Variants in CACNA1G observed in about 807,000 individuals in gnomAD.
The protein encoded by CACNA1G is voltage-dependent T-type calcium channel subunit alpha-1G.
In CACNA1G, 67 loss-of-function variants were observed where a neutral mutation model predicts 219.4. That is an observed-to-expected ratio of 0.31 (90% CI 0.25 to 0.37). CACNA1G has a LOEUF of 0.37. Among genes scored for constraint, CACNA1G ranks in the 10% least tolerant of loss-of-function variants. The pLI, the probability that CACNA1G is intolerant of heterozygous loss-of-function variation, is 1.00. For missense variants in CACNA1G, 2,380 were observed against 3,231.4 expected (o/e 0.74, Z 6.39); for synonymous variants, 1,296 against 1,345.3 (o/e 0.96, Z 0.80).
chr17:50,601,004 A>ACCTG, intron 18 of CACNA1G, 47 bp from the exon 19 acceptor site: 1 of 1,603,022 alleles, frequency 6.2e-7, no homozygotes. Flanking sequence ...TCTCGTTGCC[A>ACCTG]CCTGCCCTGC....
chr17:50,625,906 A>G (rs2053677797), intron 37 of CACNA1G, 111 bp from the exon 38 acceptor site: 9 of 1,194,392 alleles, frequency 7.5e-6, no homozygotes, highest in Non-Finnish European at 1.1e-5. Context: ...TGCTTAGGAT[A>G]GTCCTGCTGT....
At chr17:50,566,719 T>C (rs2037971453) in intron 1 of CACNA1G, among the ~76,000 whole-genome samples, 1 of 152,232 alleles carries the variant, frequency 6.6e-6, no homozygotes, top group South Asian at 2.1e-4. Flanking sequence ...GATTCGTTCA[T>C]TCATTCATTC....
intron 20 of CACNA1G, 38 bp from the exon 21 acceptor site, chr17:50,602,977 G>T (rs375734570): frequency 1.2e-6 from 2 of 1,610,208 alleles, no homozygotes; most frequent in South Asian, 1.1e-5. Context: ...TGGCTGCAGC[G>T]CAGGGAGGGC....
chr17:50,598,485 G>A (rs989217394), intron 16 of CACNA1G, among the ~76,000 whole-genome samples: 3 of 152,196 alleles, frequency 2.0e-5, no homozygotes, highest in African/African-American at 7.2e-5. Flanking sequence ...GGAATTGCTG[G>A]GTCATATGGC....
chr17:50,609,993 C>T (rs1016697291), intron 26 of CACNA1G, 58 bp downstream of exon 26: 17 of 1,517,490 alleles, frequency 1.1e-5, no homozygotes, highest in African/African-American at 4.1e-5. Context: ...ACTCCCTCCC[C>T]GTGGCTCATT....
chr17:50,607,767 C>G (rs1472744808), intron 24 of CACNA1G, 60 bp from the exon 25 acceptor site: 6 of 1,470,614 alleles, frequency 4.1e-6, no homozygotes, highest in Non-Finnish European at 5.7e-6. Context: ...CTGTGGGCAG[C>G]TCCTAAGACA....
In CACNA1G at chr17:50,571,861, G is replaced by A. The variant is rs759349075; in HGVS notation, c.587-17G>A. 6.2e-7 allele frequency: 1 copy of A among 1,612,776 alleles called. No homozygotes were observed. Among genetic ancestry groups the A allele is most frequent in the East Asian group, 2.2e-5 (1 of 44,884 alleles). On this transcript the variant is annotated splice_polypyrimidine_tract_variant and intron_variant, in intron 4 of 37. Transcript: ENST00000359106. This position sits in a 1 kb window ranked among gnomAD's most constrained non-coding sequence, Gnocchi z 4.3. ...CCGGCCAGCCTGGTGTCCCCAGCGT[G>A]GCTTCTGCCCCCACAGGCATGCGCA... is the stretch of plus-strand genomic sequence containing the variant.
chr17:50,585,690 G>A (rs1175171763), intron 9 of CACNA1G, among the ~76,000 whole-genome samples: 4 of 152,156 alleles, frequency 2.6e-5, no homozygotes, highest in Non-Finnish European at 5.9e-5. Flanking sequence ...GGCTGGGGAA[G>A]ACCAGGACCA....
At position 50,569,812 on chromosome 17, in the gene CACNA1G, CCCCTCAG is replaced by C. The variant is rs2038948383; in HGVS notation, c.586+20_586+26del. The C allele has an allele frequency of 1.4e-5, 21 of 1,544,556 alleles. No individual in the cohort carries two copies. The highest frequency in any genetic ancestry group is 1.8e-5 in the Non-Finnish European group (20 of 1,142,510). On this transcript the variant is annotated intron_variant, in intron 4 of 37. Transcript: ENST00000359106. ...CATTAACCGGGTGCCCAGTGAGTGA[CCCCTCAG>C]CCCTCAGCCCCTGAAGAGAGCCCCA...
Position 50,599,645 on chromosome 17 carries a change from G to A in CACNA1G, c.3476G>A (p.Arg1159His), listed in dbSNP as rs181588882. Residue 1159 changes from arginine (R) to histidine (H), a missense_variant, in exon 17 of 38, where the codon CGC (arginine) becomes CAC (histidine). By Grantham distance (29) the Arg-to-His change is conservative. Transcript: ENST00000359106. ...ERASPAGSDH[R>H]HRGSLEREAK... ...GCCAGCCCTGCGGGCAGTGACCATC[G>A]CCACAGGGGGTCCCTGGAGCGGGAG... 57 of 1,612,884 alleles carry A rather than the reference G, an allele frequency of 3.5e-5. No homozygotes were observed. The highest frequency in any genetic ancestry group is 1.7e-4 in the Middle Eastern group (1 of 6,054).
Position 50,600,467 on chromosome 17 carries a change from A to G in CACNA1G, c.3691-259A>G, listed in dbSNP as rs1482689434. Among the ~76,000 whole-genome samples, 1 of 143,304 alleles carries G rather than the reference A, an allele frequency of 7.0e-6. No individual in the cohort carries two copies. The highest frequency in any genetic ancestry group is 2.6e-5 in the African/African-American group (1 of 38,446). 94.0% of individuals were successfully genotyped at this position (143,304 alleles called of 152,430 possible). A position where few individuals can be genotyped will look rare whatever the true frequency, so the allele number is the denominator to read the frequency against. On this transcript the variant is annotated intron_variant, in intron 17 of 37. Coordinates refer to ENST00000359106, the MANE Select transcript of CACNA1G (RefSeq NM_018896.5). The surrounding 1 kb of genome is among the most constrained non-coding windows in gnomAD (Gnocchi z 4.1). ...CTGGAGGCAGGGGTGGGGAGAGGGG[A>G]GAGCGGGGTTGGGGATGCAGGGGAG...
At chr17:50,601,219 G>T in intron 19 of CACNA1G, 45 bp downstream of exon 19, 1 of 1,604,850 alleles carries the variant, frequency 6.2e-7, no homozygotes. Context: ...CCTGGGGTTT[G>T]CACTCAGGAC....
chr17:50,590,644 G>A, intron 10 of CACNA1G, 22 bp downstream of exon 10: 1 of 1,595,688 alleles, frequency 6.3e-7, no homozygotes, highest in Non-Finnish European at 8.5e-7. Context: ...CCCCGGCACT[G>A]ACTCTCAGTT....
At chr17:50,595,152 CTCCGCTGCT>C in intron 14 of CACNA1G, 91 bp downstream of exon 14, 1 of 958,288 alleles carries the variant, frequency 1.0e-6, no homozygotes, top group Non-Finnish European at 1.6e-6. Flanking sequence ...CGTGTTCACG[CTCCGCTGCT>C]GTGCAACCTG....
chr17:50,565,265 G>A (rs2037397183), intron 1 of CACNA1G, among the ~76,000 whole-genome samples: 1 of 152,170 alleles, frequency 6.6e-6, no homozygotes, highest in South Asian at 2.1e-4. Flanking sequence ...TCTCTGGGTG[G>A]AGCCGGCTGC....
In CACNA1G at chr17:50,625,428, G is replaced by A. The variant is rs575375867; in HGVS notation, c.6400-589G>A. Among the ~76,000 whole-genome samples, 554 of 152,346 alleles carry A rather than the reference G, an allele frequency of 3.6e-3. 3 individuals carry two copies. Among genetic ancestry groups the A allele is most frequent in the Middle Eastern group, 0.02 (6 of 294 alleles). On this transcript the variant is annotated intron_variant, in intron 37 of 37. Coordinates refer to ENST00000359106, the MANE Select transcript of CACNA1G (RefSeq NM_018896.5). ...GCCAGGCACTGGCGACACAGCCCCT[G>A]CCCCCTGAAGCTCACAGTCTAATAG...
At chr17:50,584,655 G>T (rs2042652938) in intron 9 of CACNA1G, among the ~76,000 whole-genome samples, 1 of 152,072 alleles carries the variant, frequency 6.6e-6, no homozygotes, top group Non-Finnish European at 1.5e-5. Flanking sequence ...GAATCAAAGT[G>T]CAGGTGGAGG....
At chr17:50,609,294 G>T (rs2146011566) in intron 25 of CACNA1G, among the ~76,000 whole-genome samples, 1 of 152,274 alleles carries the variant, frequency 6.6e-6, no homozygotes, top group South Asian at 2.1e-4. Flanking sequence ...GGATGTGGGG[G>T]AGACACTGGC....
At position 50,624,228 on chromosome 17, in the gene CACNA1G, C is replaced by A. The variant is rs1057364902; in HGVS notation, c.6230-132C>A. 6 of 1,251,594 alleles carry A rather than the reference C, an allele frequency of 4.8e-6. No individual in the cohort carries two copies. In the African/African-American group the frequency reaches 7.4e-5, roughly 16 times the overall value. 77.5% of individuals were successfully genotyped at this position (1,251,594 alleles called of 1,614,324 possible). On this transcript the variant is annotated intron_variant, in intron 36 of 37. Coordinates refer to ENST00000359106, the MANE Select transcript of CACNA1G (RefSeq NM_018896.5). Reference sequence around the variant, plus strand: ...CCAGCCTGGGGGAATGGCTTTGAGTCCAGGGGGTAAGGGTAGAGGCCCTGA... The same window carrying A: ...CCAGCCTGGGGGAATGGCTTTGAGTACAGGGGGTAAGGGTAGAGGCCCTGA...
Sources: gnomAD v4.1 joint callset for allele counts (sites outside exome capture counted in the v4.1 genomes callset) on GRCh38, gnomAD v4.1.1 for gene constraint, Gnocchi (gnomAD v3.1) non-coding constraint, MANE v1.5 for transcripts, NCBI Gene and HGNC (gene_info 2026-07-23, HGNC 2026-07-21) for gene names.